The following NAV3 variants were observed in gnomAD, a reference collection of about 807,000 sequenced individuals.
NAV3 encodes the protein neuron navigator 3.
In NAV3, 87 loss-of-function variants were observed where a neutral mutation model predicts 244.7. The ratio of observed to expected loss-of-function variants is 0.36; its 90% CI spans 0.30 to 0.42. The LOEUF (loss-of-function observed/expected upper bound fraction) is 0.42. Ranked by LOEUF, NAV3 falls within the 20% of genes least tolerant of loss-of-function variation. NAV3 has a pLI of 1.00. For synonymous variants in NAV3, 1,126 were observed against 1,042.2 expected, an observed-to-expected ratio of 1.08 and a Z score of -1.55; for missense variants, 2,663 against 2,893.3, an observed-to-expected ratio of 0.92 and a Z score of 1.83.
intron 18 of NAV3, among the ~76,000 whole-genome samples, chr12:78,135,935 T>C (rs1956354469): frequency 6.6e-6 from 1 of 152,218 alleles, no homozygotes; most frequent in African/African-American, 2.4e-5. Flanking sequence ...GTCCTATGCT[T>C]CCTTTTACTC....
intron 1 of NAV3, among the ~76,000 whole-genome samples, chr12:77,836,001 C>T (rs1249074697): frequency 1.3e-5 from 2 of 152,178 alleles, no homozygotes; most frequent in Non-Finnish European, 2.9e-5. Context: ...AAATCCTCCA[C>T]AATATTTCAA....
At chr12:77,704,622 T>C (rs1194694880) in intron 2 of NAV3, among the ~76,000 whole-genome samples, 1 of 152,128 alleles carries the variant, frequency 6.6e-6, no homozygotes, top group Non-Finnish European at 1.5e-5. Flanking sequence ...AGTCCTTAAT[T>C]GCTAAGGGAA....
intron 3 of NAV3, among the ~76,000 whole-genome samples, chr12:77,954,222 C>T (rs551118175): frequency 6.6e-6 from 1 of 152,280 alleles, no homozygotes; most frequent in African/African-American, 2.4e-5. Context: ...TCTGTCTTTA[C>T]CTTTACACTA....
intron 22 of NAV3, among the ~76,000 whole-genome samples, chr12:78,150,526 ATC>A (rs749670822): frequency 6.6e-6 from 1 of 150,756 alleles, no homozygotes; most frequent in Non-Finnish European, 1.5e-5. Context: ...TTCTCTGAGA[ATC>A]TCATTCTTAC....
chr12:77,572,780 T>C (rs892245798), intron 2 of NAV3, among the ~76,000 whole-genome samples: 1 of 152,272 alleles, frequency 6.6e-6, no homozygotes, highest in Admixed American at 6.5e-5. Context: ...GTTTTGATTC[T>C]ACATGATGTC....
chr12:77,632,961 T>C (rs1592523841), intron 2 of NAV3, among the ~76,000 whole-genome samples: 1 of 152,264 alleles, frequency 6.6e-6, no homozygotes, highest in East Asian at 1.9e-4. Flanking sequence ...GTCTTCTCTT[T>C]CATATAACAC....
At chr12:78,005,839 G>A (rs185113751) in intron 7 of NAV3, among the ~76,000 whole-genome samples, 65 of 152,244 alleles carry the variant, frequency 4.3e-4, no homozygotes, top group Admixed American at 9.2e-4. Flanking sequence ...TCAATAAAAT[G>A]TCAGTTAGCA....
intron 8 of NAV3, among the ~76,000 whole-genome samples, chr12:78,010,154 C>A (rs1428814574): frequency 6.6e-6 from 1 of 152,254 alleles, no homozygotes; most frequent in Middle Eastern, 3.4e-3. Context: ...AACAATTTTA[C>A]AAATAATATG....
intron 9 of NAV3, among the ~76,000 whole-genome samples, chr12:78,024,335 G>A (rs60535055): frequency 0.2 from 29,751 of 152,038 alleles, 3,136 homozygotes; most frequent in Middle Eastern, 0.27. Flanking sequence ...GCATGTCAAT[G>A]CAACTCACTT....
At chr12:77,733,008 C>T (rs1345104447) in intron 2 of NAV3, among the ~76,000 whole-genome samples, 1 of 151,872 alleles carries the variant, frequency 6.6e-6, no homozygotes, top group East Asian at 1.9e-4. Flanking sequence ...TGGGCTTTAG[C>T]CTGACAGCTA....
chr12:78,126,512 A>G (rs572677828), intron 16 of NAV3, among the ~76,000 whole-genome samples: 1 of 152,218 alleles, frequency 6.6e-6, no homozygotes, highest in African/African-American at 2.4e-5. Flanking sequence ...CCTTCTTGTT[A>G]CCAATTGTGA....
chr12:77,874,611 TA>T (rs71440495), intron 1 of NAV3, among the ~76,000 whole-genome samples: 4,353 of 148,148 alleles, frequency 0.029, 198 homozygotes, highest in African/African-American at 0.1. Context: ...TTGTGGTTAG[TA>T]AAAAAAAAAA....
chr12:77,855,000 G>A (rs529681611), intron 1 of NAV3, among the ~76,000 whole-genome samples: 13 of 152,022 alleles, frequency 8.6e-5, no homozygotes, highest in African/African-American at 1.2e-4. Context: ...GGTGGCGGGC[G>A]CCTGTAGTCC....
intron 2 of NAV3, among the ~76,000 whole-genome samples, chr12:77,712,864 G>T (rs564510083): frequency 6.6e-6 from 1 of 152,182 alleles, no homozygotes; most frequent in Non-Finnish European, 1.5e-5. Flanking sequence ...GATCACTTAA[G>T]ATTACATATG....
At chr12:77,875,310 T>A (rs1159265493) in intron 1 of NAV3, among the ~76,000 whole-genome samples, 1 of 152,068 alleles carries the variant, frequency 6.6e-6, no homozygotes, top group Non-Finnish European at 1.5e-5. Flanking sequence ...CATCCCTGTA[T>A]ATTATACTGC....
intron 2 of NAV3, among the ~76,000 whole-genome samples, chr12:77,796,555 G>T (rs1871415616): frequency 6.6e-6 from 1 of 152,202 alleles, no homozygotes; most frequent in East Asian, 1.9e-4. Context: ...GGTTCAAGAG[G>T]ACTGAGTCCC....
intron 2 of NAV3, among the ~76,000 whole-genome samples, chr12:77,574,049 A>G (rs1303340700): frequency 6.6e-6 from 1 of 152,162 alleles, no homozygotes; most frequent in Admixed American, 6.5e-5. Flanking sequence ...TAGACAAACC[A>G]TGGAGAACCA....
At chr12:78,142,737 G>A (rs74107113) in intron 20 of NAV3, among the ~76,000 whole-genome samples, 53,211 of 101,690 alleles carry the variant, frequency 0.52, 11,733 homozygotes, top group African/African-American at 0.55. Flanking sequence ...GTGTGTGTGT[G>A]TATATATATA....
chr12:77,994,643 A>T (rs1273121555), intron 5 of NAV3, among the ~76,000 whole-genome samples, 160 bp from the exon 6 acceptor site: 1 of 152,232 alleles, frequency 6.6e-6, no homozygotes, highest in Non-Finnish European at 1.5e-5. Context: ...CATGTTGGAC[A>T]TACAACATTA....
Sources: allele counts gnomAD v4.1 joint callset (sites outside exome capture counted in the v4.1 genomes callset), GRCh38; gene constraint gnomAD v4.1.1; transcripts MANE v1.5; gene names NCBI Gene and HGNC (gene_info 2026-07-23, HGNC 2026-07-21).